CHRM3: variants seen among roughly 807,000 people sequenced by gnomAD.
The protein encoded by CHRM3 is muscarinic acetylcholine receptor M3.
CHRM3 carries 11 observed loss-of-function variants against 41.8 expected under a neutral mutation model. That is an observed-to-expected ratio of 0.26 (90% CI 0.17 to 0.44). The LOEUF (loss-of-function observed/expected upper bound fraction) is 0.44. CHRM3 is among the 20% of genes least tolerant of loss of function. CHRM3 has a pLI of 1.00. For synonymous variants in CHRM3, 297 were observed against 301.4 expected (o/e 0.99, Z 0.15); for missense variants, 571 against 745.4 (o/e 0.77, Z 2.72).
chr1:239,728,798 C>T lies in CHRM3; in HGVS notation c.-147+50510C>T, dbSNP rs548525576. Among the ~76,000 whole-genome samples, 255 of 152,046 alleles carry T rather than the reference C, an allele frequency of 1.7e-3. 3 individuals carry two copies. In the Middle Eastern group the frequency reaches 0.024, roughly 14 times the overall value. ...GTGCACACACACACACTCACATATA[C>T]GCCCTTTGAATCATCACAAGCACTT... On this transcript the variant is annotated intron_variant, in intron 5 of 6. Coordinates refer to ENST00000676153, the MANE Select transcript of CHRM3 (RefSeq NM_001375978.1).
chr1:239,766,128 T>C (rs535079188), intron 5 of CHRM3, among the ~76,000 whole-genome samples: 1 of 152,234 alleles, frequency 6.6e-6, no homozygotes, highest in African/African-American at 2.4e-5. Context: ...ATGAGTATTT[T>C]CTTAATAAAA....
rs79348237 is a variant in CHRM3 at position 239,560,883 on chromosome 1, C to T, written c.-313+15134C>T. On this transcript the variant is annotated intron_variant, in intron 3 of 6. Coordinates refer to ENST00000676153, the MANE Select transcript of CHRM3 (RefSeq NM_001375978.1). ...GAACTCTAGGTTTTCCCACACCTCCCCCAAACTTGTTTCTCCCCCATCTGT... is the reference window on the plus strand; with the variant it reads ...GAACTCTAGGTTTTCCCACACCTCCTCCAAACTTGTTTCTCCCCCATCTGT... Among the ~76,000 whole-genome samples the T allele has an allele frequency of 3.1e-3, 469 of 152,164 alleles. 3 individuals are homozygous for T. Among genetic ancestry groups the T allele is most frequent in the African/African-American group, 0.011 (448 of 41,514 alleles).
At chr1:239,765,700 A>T (rs541625653) in intron 5 of CHRM3, among the ~76,000 whole-genome samples, 2 of 152,270 alleles carry the variant, frequency 1.3e-5, no homozygotes, top group African/African-American at 4.8e-5. Context: ...TGGATACGTT[A>T]AAAAGGGCCT....
At chr1:239,635,851 T>A (rs1296921565) in intron 4 of CHRM3, among the ~76,000 whole-genome samples, 1 of 152,072 alleles carries the variant, frequency 6.6e-6, no homozygotes, top group African/African-American at 2.4e-5. Context: ...GTTGAGTAAA[T>A]GAATATAGAG....
At chr1:239,751,994 C>A (rs1359235110) in intron 5 of CHRM3, among the ~76,000 whole-genome samples, 1 of 152,196 alleles carries the variant, frequency 6.6e-6, no homozygotes, top group Non-Finnish European at 1.5e-5. Context: ...GTTGCCCCAA[C>A]AAAAGCTCCT....
At chr1:239,404,422 GAA>G (rs1467818371) in intron 1 of CHRM3, among the ~76,000 whole-genome samples, 20 of 90,850 alleles carry the variant, frequency 2.2e-4, no homozygotes, top group African/African-American at 7.8e-4. Flanking sequence ...AAGAAAGAAA[GAA>G]AGAAAGAAAG....
chr1:239,387,752 A>G lies in CHRM3; in HGVS notation c.-521+525A>G, dbSNP rs529661922. On this transcript the variant is annotated intron_variant, in intron 1 of 6. Coordinates refer to ENST00000676153, the MANE Select transcript of CHRM3 (RefSeq NM_001375978.1). This position sits in a 1 kb window ranked among gnomAD's most constrained non-coding sequence, Gnocchi z 5.1. ...TAAAGCTGGCACCCGCCAACCTCGC[A>G]GTGGGGCCGCAAGTTCGGATTGCAT... Among the ~76,000 whole-genome samples, 7 of 152,280 alleles carry G rather than the reference A, an allele frequency of 4.6e-5. No individual in the cohort carries two copies. In the South Asian group the frequency reaches 1.4e-3, roughly 32 times the overall value.
intron 5 of CHRM3, among the ~76,000 whole-genome samples, chr1:239,796,640 T>C (rs1255623268): frequency 2.6e-5 from 4 of 152,116 alleles, no homozygotes; most frequent in Non-Finnish European, 5.9e-5. Context: ...CTCTCTGTTG[T>C]AGGAAAGGCC....
intron 2 of CHRM3, among the ~76,000 whole-genome samples, chr1:239,523,701 A>T (rs1669804662): frequency 6.6e-6 from 1 of 152,200 alleles, no homozygotes; most frequent in Non-Finnish European, 1.5e-5. Context: ...TCCAATTAAC[A>T]ATAAGCAACT....
chr1:239,422,216 T>C (rs921544383), intron 1 of CHRM3, among the ~76,000 whole-genome samples: 1 of 152,226 alleles, frequency 6.6e-6, no homozygotes, highest in Non-Finnish European at 1.5e-5. Context: ...TTCCAATATT[T>C]GAGCATAGGC....
chr1:239,651,721 C>T (rs888852801), intron 4 of CHRM3, among the ~76,000 whole-genome samples: 2 of 152,144 alleles, frequency 1.3e-5, no homozygotes, highest in African/African-American at 2.4e-5. Context: ...GAATCTTAGA[C>T]CCTACCCTTG....
intron 5 of CHRM3, among the ~76,000 whole-genome samples, chr1:239,821,713 CA>C (rs1218735563): frequency 6.6e-6 from 1 of 152,196 alleles, no homozygotes; most frequent in East Asian, 1.9e-4. Context: ...ATTCCAGAAT[CA>C]GAATACAGTT....
rs1304189312 is a variant in CHRM3, at chr1:239,602,131, T to TAC, written c.-312-30092_-312-30091insCA. Among the ~76,000 whole-genome samples the TAC allele has an allele frequency of 9.8e-3, 1,442 of 147,692 alleles. 15 individuals carry two copies. The highest frequency in any genetic ancestry group is 0.025 in the Admixed American group (372 of 14,698). ...GTGTGTATATATATATATATATATA[T>TAC]ATATATATAATTTTGTTTTTTGAGA... On this transcript the variant is annotated intron_variant, in intron 3 of 6. Coordinates refer to ENST00000676153, the MANE Select transcript of CHRM3 (RefSeq NM_001375978.1).
At chr1:239,798,063 T>A (rs1323377570) in intron 5 of CHRM3, among the ~76,000 whole-genome samples, 1 of 152,042 alleles carries the variant, frequency 6.6e-6, no homozygotes, top group East Asian at 1.9e-4. Context: ...AAAAAAAATG[T>A]CAAAACCAAA....
chr1:239,461,779 T>C (rs1401606587), intron 1 of CHRM3, among the ~76,000 whole-genome samples: 1 of 152,052 alleles, frequency 6.6e-6, no homozygotes, highest in Non-Finnish European at 1.5e-5. Context: ...CCGAGGAACG[T>C]GGACATCAGG....
chr1:239,637,517 C>CTTT (rs149963225), intron 4 of CHRM3, among the ~76,000 whole-genome samples: 45 of 48,490 alleles, frequency 9.3e-4, no homozygotes, highest in Non-Finnish European at 1.2e-3. Context: ...TCATCAAAGT[C>CTTT]TTTTTTTTTT....
intron 4 of CHRM3, among the ~76,000 whole-genome samples, chr1:239,656,297 C>T (rs1324743643): frequency 6.7e-6 from 1 of 150,100 alleles, no homozygotes; most frequent in Admixed American, 6.7e-5. Flanking sequence ...TACCCCCCAC[C>T]AAATCTAAAA....
chr1:239,585,336 G>C (rs1663300669), intron 3 of CHRM3, among the ~76,000 whole-genome samples: 1 of 152,102 alleles, frequency 6.6e-6, no homozygotes, highest in Non-Finnish European at 1.5e-5. Context: ...GTCCCCAGTA[G>C]GTGTGAGTTG....
chr1:239,782,037 G>T (rs1470334764), intron 5 of CHRM3, among the ~76,000 whole-genome samples: 1 of 151,974 alleles, frequency 6.6e-6, no homozygotes, highest in Non-Finnish European at 1.5e-5. Context: ...GAGGACTTTT[G>T]CATCTATGTT....
Sources: allele counts gnomAD v4.1 joint callset (sites outside exome capture counted in the v4.1 genomes callset), GRCh38; gene constraint gnomAD v4.1.1; non-coding constraint Gnocchi (gnomAD v3.1); transcripts MANE v1.5; gene names NCBI Gene and HGNC (gene_info 2026-07-23, HGNC 2026-07-21).